SPIDR: variants seen among roughly 807,000 people sequenced by gnomAD.
SPIDR encodes the protein DNA repair-scaffolding protein.
A neutral mutation model predicts 104.6 loss-of-function variants in SPIDR; 93 were observed. That is an observed-to-expected ratio of 0.89 (90% CI 0.75 to 1.06). The LOEUF is 1.06. Ranked by LOEUF, SPIDR falls within the 50% of genes least tolerant of loss-of-function variation. The pLI, the probability that SPIDR is intolerant of heterozygous loss-of-function variation, is 0.00. For synonymous variants in SPIDR, 431 were observed against 416.9 expected (o/e 1.03, Z -0.41); for missense variants, 1,154 against 1,111.2 (o/e 1.04, Z -0.55).
chr8:47,492,334 G>T (rs2078849065), intron 8 of SPIDR, among the ~76,000 whole-genome samples: 1 of 152,078 alleles, frequency 6.6e-6, no homozygotes, highest in African/African-American at 2.4e-5. Context: ...AAGCAGGCAG[G>T]CTTCTCACAA....
At position 47,727,289 on chromosome 8, in the gene SPIDR, G is replaced by A. The variant is rs1300362628; in HGVS notation, c.2431G>A (p.Asp811Asn). 5 of 1,614,046 alleles carry A rather than the reference G, an allele frequency of 3.1e-6. No homozygotes were observed. Among genetic ancestry groups the A allele is most frequent in the Non-Finnish European group, 4.2e-6 (5 of 1,179,944 alleles). Residue 811 changes from aspartate (D) to asparagine (N), a missense_variant, in exon 17 of 20, where the codon GAC becomes AAC. Asp to Asn is a conservative substitution (Grantham distance 23). Coordinates refer to ENST00000297423, the MANE Select transcript of SPIDR (RefSeq NM_001080394.4). ...CGGGAGATTGGAACAGAGGCCGGAA[G>A]ACAGGTAAGGGGACAGGAGCTGTCC... ...GNGRLEQRPEDRGAFSCGDCS... is the reference protein window; with the variant it reads ...GNGRLEQRPENRGAFSCGDCS...
chr8:47,588,077 A>G (rs1440041456), intron 8 of SPIDR, among the ~76,000 whole-genome samples: 42 of 102,092 alleles, frequency 4.1e-4, no homozygotes, highest in African/African-American at 1.7e-3. Flanking sequence ...ATATATATAT[A>G]TATATATATA....
chr8:47,564,825 T>A (rs1001808083), intron 8 of SPIDR, among the ~76,000 whole-genome samples: 1 of 152,212 alleles, frequency 6.6e-6, no homozygotes, highest in African/African-American at 2.4e-5. Context: ...ATTTTTCAGA[T>A]AAACCTACTA....
intron 10 of SPIDR, among the ~76,000 whole-genome samples, chr8:47,628,260 G>A (rs922701395): frequency 1.3e-5 from 2 of 152,142 alleles, no homozygotes; most frequent in African/African-American, 4.8e-5. Context: ...GGTTAGAGAA[G>A]GTTGTTTTTC....
intron 8 of SPIDR, among the ~76,000 whole-genome samples, chr8:47,566,648 A>G (rs888225299): frequency 2.6e-5 from 4 of 151,842 alleles, no homozygotes; most frequent in Non-Finnish European, 5.9e-5. Context: ...GCTAGAGTGC[A>G]GTGACATGTA....
At chr8:47,293,812 A>G in intron 4 of SPIDR, 55 bp from the exon 5 acceptor site, 2 of 1,510,230 alleles carry the variant, frequency 1.3e-6, no homozygotes, top group African/African-American at 1.4e-5. Flanking sequence ...TAAAAGAGAT[A>G]TAAAAGTGAA....
At chr8:47,637,383 A>G (rs1403578304) in intron 10 of SPIDR, among the ~76,000 whole-genome samples, 1 of 152,210 alleles carries the variant, frequency 6.6e-6, no homozygotes, top group East Asian at 1.9e-4. Context: ...CAGCCTGGCC[A>G]ACATGGTGAA....
intron 5 of SPIDR, among the ~76,000 whole-genome samples, chr8:47,382,662 C>T (rs2059455641): frequency 1.3e-5 from 2 of 152,184 alleles, no homozygotes; most frequent in Admixed American, 1.3e-4. Flanking sequence ...CCACCCACCT[C>T]GGCCTCCCAA....
chr8:47,274,592 T>TC (rs1341130823), intron 1 of SPIDR, among the ~76,000 whole-genome samples: 1 of 151,568 alleles, frequency 6.6e-6, no homozygotes, highest in African/African-American at 2.4e-5. Flanking sequence ...TTTTTTTTTT[T>TC]CCCGAGATGG....
At chr8:47,508,807 C>T (rs754291151) in intron 8 of SPIDR, among the ~76,000 whole-genome samples, 12 of 152,060 alleles carry the variant, frequency 7.9e-5, no homozygotes, top group Non-Finnish European at 1.2e-4. Context: ...TTGAGTCCTC[C>T]GGGAGAATGT....
chr8:47,384,738 G>A (rs1554647211), intron 5 of SPIDR, among the ~76,000 whole-genome samples: 1 of 152,086 alleles, frequency 6.6e-6, no homozygotes, highest in African/African-American at 2.4e-5. Context: ...CTCACCCTCT[G>A]GGCTGGAGGC....
intron 10 of SPIDR, among the ~76,000 whole-genome samples, chr8:47,606,092 T>C (rs1187719795): frequency 6.6e-6 from 1 of 152,220 alleles, no homozygotes; most frequent in Non-Finnish European, 1.5e-5. Flanking sequence ...GTGTGACCAC[T>C]GCTGTCTAAA....
At chr8:47,389,493 TC>T (rs1370845818) in intron 5 of SPIDR, among the ~76,000 whole-genome samples, 2 of 151,794 alleles carry the variant, frequency 1.3e-5, no homozygotes, top group Non-Finnish European at 2.9e-5. Flanking sequence ...ATCAAGACCA[TC>T]CTGGCTAACA....
chr8:47,497,643 G>A (rs1167004581), intron 8 of SPIDR, among the ~76,000 whole-genome samples: 1 of 152,140 alleles, frequency 6.6e-6, no homozygotes, highest in Non-Finnish European at 1.5e-5. Context: ...GCACTTAAAA[G>A]GAATAAGCTT....
At chr8:47,724,978 G>C (rs2083997285) in intron 16 of SPIDR, among the ~76,000 whole-genome samples, 1 of 152,194 alleles carries the variant, frequency 6.6e-6, no homozygotes, top group Non-Finnish European at 1.5e-5. Context: ...GTGCAGGGCT[G>C]TAGGAAGGGA....
At chr8:47,264,003 A>G (rs1554544758) in intron 1 of SPIDR, among the ~76,000 whole-genome samples, 1 of 152,228 alleles carries the variant, frequency 6.6e-6, no homozygotes, top group Non-Finnish European at 1.5e-5. Context: ...TATCTGATGA[A>G]TTAATGAAAG....
intron 14 of SPIDR, among the ~76,000 whole-genome samples, chr8:47,710,725 C>T (rs1286501092): frequency 6.6e-6 from 1 of 152,136 alleles, no homozygotes; most frequent in East Asian, 1.9e-4. Context: ...GCCTCGGCCT[C>T]CCAAAGTGCT....
In SPIDR at chr8:47,598,984, G is replaced by C. The variant is rs780833532; in HGVS notation, c.1332G>C (p.Trp444Cys). ...CSGVATTGTA[W>C]THGHKEAKQR... is the part of the protein sequence containing the mutation. ...GTGTAGCCACTACAGGGACAGCCTG[G>C]ACCCATGGGCACAAAGAAGCAAAAC... is the stretch of plus-strand genomic sequence containing the variant. The change falls in exon 10 of 20, where the codon TGG becomes TGC. Residue 444 changes from tryptophan to cysteine, a missense_variant. Coordinates refer to ENST00000297423, the MANE Select transcript of SPIDR (RefSeq NM_001080394.4). 1 of 1,613,856 alleles carries C rather than the reference G, an allele frequency of 6.2e-7. No homozygotes were observed. The highest frequency in any genetic ancestry group is 1.7e-5 in the Admixed American group (1 of 59,980).
At chr8:47,647,728 A>G (rs1009883863) in intron 10 of SPIDR, among the ~76,000 whole-genome samples, 11 of 151,902 alleles carry the variant, frequency 7.2e-5, no homozygotes, top group African/African-American at 2.4e-5. Flanking sequence ...ATAAAGCAAG[A>G]TAAGGGACAG....
Sources: allele counts gnomAD v4.1 joint callset (sites outside exome capture counted in the v4.1 genomes callset), GRCh38; gene constraint gnomAD v4.1.1; transcripts MANE v1.5; gene names NCBI Gene and HGNC (gene_info 2026-07-23, HGNC 2026-07-21).